The following NEIL3 variants were observed in gnomAD, a reference collection of about 807,000 sequenced individuals.
NEIL3 encodes endonuclease 8-like 3.
A neutral mutation model predicts 57.5 loss-of-function variants in NEIL3; 48 were observed. The observed-to-expected ratio is 0.83, with a 90% CI of 0.66 to 1.06. NEIL3 has a LOEUF of 1.06. Ranked by LOEUF, NEIL3 falls within the 50% of genes least tolerant of loss-of-function variation. The pLI is 0.00. For missense variants in NEIL3, 717 were observed against 739.1 expected, an observed-to-expected ratio of 0.97 and a Z score of 0.35; for synonymous variants, 261 against 253.2, an observed-to-expected ratio of 1.03 and a Z score of -0.29.
intron 1 of NEIL3, among the ~76,000 whole-genome samples, chr4:177,321,431 A>G (rs1355924481): frequency 1.3e-5 from 2 of 152,070 alleles, no homozygotes; most frequent in Admixed American, 6.6e-5. Flanking sequence ...TTTAAATTAA[A>G]TAATGTTTAT....
chr4:177,344,710 C>T (rs186244405), intron 6 of NEIL3, among the ~76,000 whole-genome samples: 23 of 151,992 alleles, frequency 1.5e-4, no homozygotes, highest in African/African-American at 5.3e-4. Flanking sequence ...TACAGGTACC[C>T]ACCACCACGC....
chr4:177,366,329 T>C (rs530573059), downstream of NEIL3, among the ~76,000 whole-genome samples: 3 of 152,320 alleles, frequency 2.0e-5, no homozygotes, highest in East Asian at 3.9e-4. Flanking sequence ...TTAATTCTAA[T>C]TGTACAAAGT....
chr4:177,341,710 A>G, intron 6 of NEIL3, 68 bp downstream of exon 6: 2 of 1,289,148 alleles, frequency 1.6e-6, no homozygotes, highest in Non-Finnish European at 2.1e-6. Flanking sequence ...ATAATCTGAG[A>G]ATATAACTGA....
intron 1 of NEIL3, among the ~76,000 whole-genome samples, chr4:177,311,411 C>T (rs1235249288): frequency 6.6e-6 from 1 of 151,972 alleles, no homozygotes; most frequent in African/African-American, 2.4e-5. Flanking sequence ...TGCAGTGGCT[C>T]ATGCCTGTAA....
intron 2 of NEIL3, among the ~76,000 whole-genome samples, chr4:177,326,825 G>A (rs778717467): frequency 5.3e-5 from 8 of 151,950 alleles, no homozygotes; most frequent in Non-Finnish European, 1.0e-4. Flanking sequence ...TTTAAAATTT[G>A]AATTTCTAAT....
intron 8 of NEIL3, among the ~76,000 whole-genome samples, chr4:177,354,573 T>C (rs1336055749): frequency 2.0e-5 from 3 of 152,088 alleles, no homozygotes; most frequent in Non-Finnish European, 4.4e-5. Flanking sequence ...TTCTTTGAGG[T>C]GGCGTTTTGC....
At chr4:177,318,461 G>A (rs913970251) in intron 1 of NEIL3, among the ~76,000 whole-genome samples, 1 of 152,134 alleles carries the variant, frequency 6.6e-6, no homozygotes, top group African/African-American at 2.4e-5. Context: ...ATTAGATTTG[G>A]GCGTTTTGAT....
chr4:177,362,316 A>G lies in NEIL3; in HGVS notation c.1663A>G (p.Asn555Asp), dbSNP rs1472201340. Residue 555 changes from asparagine to aspartate, a missense_variant, in exon 10 of 10, where the codon AAC (asparagine) becomes GAC (aspartate). Transcript: ENST00000264596. Reference protein sequence around the residue: ...EWADLSFPFCNHGKRSTMKTV... With the variant: ...EWADLSFPFCDHGKRSTMKTV... ...GGCAGATTTGTCCTTCCCATTCTGCAACCATGGCAAGCGTTCCACCATGAA... is the reference window on the plus strand; with the variant it reads ...GGCAGATTTGTCCTTCCCATTCTGCGACCATGGCAAGCGTTCCACCATGAA... 6.2e-7 allele frequency: 1 copy of G among 1,606,424 alleles called. No homozygotes were observed. Among genetic ancestry groups the G allele is most frequent in the Non-Finnish European group, 8.5e-7 (1 of 1,177,694 alleles).
intron 1 of NEIL3, among the ~76,000 whole-genome samples, chr4:177,320,871 G>T (rs17064622): frequency 3.3e-5 from 5 of 151,880 alleles, no homozygotes; most frequent in Non-Finnish European, 7.4e-5. Flanking sequence ...AAAGCCAGTC[G>T]CCTGAACTTC....
At chr4:177,339,937 C>T (rs567089829) in intron 5 of NEIL3, 80 bp downstream of exon 5, 22 of 852,540 alleles carry the variant, frequency 2.6e-5, no homozygotes, top group Non-Finnish European at 4.4e-5. Flanking sequence ...AATGTGAAAG[C>T]TGTATATAGC....
chr4:177,336,263 T>G lies in NEIL3; in HGVS notation c.569T>G (p.Val190Gly). The stretch of plus-strand genomic sequence containing the variant: ...ATGGATCAGAACGTATTGCCTGGAG[T>G]AGGGAACATCATCAAAAATGAAGCT... ...VLMDQNVLPG[V>G]GNIIKNEALF... is the part of the protein sequence containing the mutation. Residue 190 changes from valine to glycine, a missense_variant, in exon 4 of 10, where the codon GTA (valine) becomes GGA (glycine). Coordinates refer to ENST00000264596, the MANE Select transcript of NEIL3 (RefSeq NM_018248.3). The G allele has an allele frequency of 6.2e-7, 1 of 1,614,130 alleles. No homozygotes were observed. Among genetic ancestry groups the G allele is most frequent in the Non-Finnish European group, 8.5e-7 (1 of 1,180,016 alleles).
At chr4:177,348,469 C>T (rs573817228) in intron 6 of NEIL3, among the ~76,000 whole-genome samples, 2 of 152,196 alleles carry the variant, frequency 1.3e-5, no homozygotes, top group East Asian at 1.9e-4. Context: ...GGGCAGAGTC[C>T]GCCTGCTCCT....
downstream of NEIL3, among the ~76,000 whole-genome samples, chr4:177,363,152 T>A (rs955980818): frequency 3.3e-5 from 5 of 152,184 alleles, no homozygotes; most frequent in African/African-American, 1.2e-4. Context: ...TCCCCGCTGC[T>A]TGTATTTAAA....
At chr4:177,326,355 T>C (rs1734779956) in intron 2 of NEIL3, among the ~76,000 whole-genome samples, 1 of 152,176 alleles carries the variant, frequency 6.6e-6, no homozygotes, top group Non-Finnish European at 1.5e-5. Context: ...CATATATGTA[T>C]GGGTCTATTT....
chr4:177,356,145 T>C (rs28648600), intron 8 of NEIL3, among the ~76,000 whole-genome samples: 5,649 of 152,326 alleles, frequency 0.037, 113 homozygotes, highest in African/African-American at 0.057. Context: ...CATCTTAAAA[T>C]ATTGTGGCAT....
intron 8 of NEIL3, chr4:177,356,992 C>G (rs547317967): frequency 5.3e-5 from 8 of 152,306 alleles, no homozygotes; most frequent in Admixed American, 4.6e-4. Flanking sequence ...AATATTTTCT[C>G]ACATTTGCTG....
intron 2 of NEIL3, among the ~76,000 whole-genome samples, chr4:177,325,060 T>C (rs1447051431): frequency 6.6e-6 from 1 of 152,160 alleles, no homozygotes; most frequent in Non-Finnish European, 1.5e-5. Flanking sequence ...TTTGAAGTTA[T>C]ATGTGCTCAG....
At chr4:177,348,858 ATTT>A (rs749391559) in intron 6 of NEIL3, among the ~76,000 whole-genome samples, 13 of 73,734 alleles carry the variant, frequency 1.8e-4, no homozygotes, top group South Asian at 1.1e-3. Context: ...TGGCTCATGA[ATTT>A]TTTTTTTTTT....
chr4:177,365,666 G>A (rs1472624422), downstream of NEIL3, among the ~76,000 whole-genome samples: 5 of 152,062 alleles, frequency 3.3e-5, no homozygotes, highest in African/African-American at 9.7e-5. Flanking sequence ...TACAGCTCAC[G>A]TTTATTTTAG....
Sources: gnomAD v4.1 joint callset for allele counts (sites outside exome capture counted in the v4.1 genomes callset) on GRCh38, gnomAD v4.1.1 for gene constraint, MANE v1.5 for transcripts, NCBI Gene and HGNC (gene_info 2026-07-23, HGNC 2026-07-21) for gene names.